COBLL1: variants seen among roughly 807,000 people sequenced by gnomAD.
COBLL1 encodes the protein cordon-bleu protein-like 1.
In COBLL1, 50 loss-of-function variants were observed where a neutral mutation model predicts 94.8. That is an observed-to-expected ratio of 0.53 (90% CI 0.42 to 0.67). The LOEUF (loss-of-function observed/expected upper bound fraction) is 0.67. Among genes scored for constraint, COBLL1 ranks in the 30% least tolerant of loss-of-function variants. The pLI is 0.00. For synonymous variants in COBLL1, 448 were observed against 473.8 expected (o/e 0.95, Z 0.71); for missense variants, 1,362 against 1,348.7 (o/e 1.01, Z -0.15).
intron 2 of COBLL1, among the ~76,000 whole-genome samples, chr2:164,825,388 A>C (rs1685373472): frequency 6.6e-6 from 1 of 152,202 alleles, no homozygotes; most frequent in Non-Finnish European, 1.5e-5. Context: ...TGCAGAGTTT[A>C]TGCATGGTTA....
chr2:164,673,644 A>G (rs548788007), intron 1 of COBLL1, among the ~76,000 whole-genome samples: 273 of 152,316 alleles, frequency 1.8e-3, no homozygotes, highest in African/African-American at 6.3e-3. Flanking sequence ...ACTGCACTGC[A>G]GCCTGGGTGA....
At chr2:164,715,544 T>TA (rs1225447142) in intron 7 of COBLL1, among the ~76,000 whole-genome samples, 4 of 152,100 alleles carry the variant, frequency 2.6e-5, no homozygotes, top group African/African-American at 9.6e-5. Context: ...TAAAATTAAG[T>TA]AAAATAGCAA....
chr2:164,780,645 G>A (rs888759254), intron 2 of COBLL1, among the ~76,000 whole-genome samples: 9 of 152,090 alleles, frequency 5.9e-5, no homozygotes, highest in South Asian at 4.1e-4. Context: ...TCACCACAGC[G>A]AATGGACAAG....
At chr2:164,679,450 T>C (rs975728097), downstream of COBLL1, among the ~76,000 whole-genome samples, 16 of 152,068 alleles carry the variant, frequency 1.1e-4, no homozygotes, top group African/African-American at 3.9e-4. Flanking sequence ...TTTTTGAAGA[T>C]TGTTCAAGTA....
chr2:164,753,813 C>T (rs1687252675), intron 2 of COBLL1, among the ~76,000 whole-genome samples: 1 of 150,820 alleles, frequency 6.6e-6, no homozygotes, highest in African/African-American at 2.5e-5. Context: ...ACGATCTCAG[C>T]TCACTGCAAC....
rs1281085518 is a variant in COBLL1 at position 164,807,580 on chromosome 2, G to A, written c.41+33576C>T. Among the ~76,000 whole-genome samples, 3 of 151,738 alleles carry A rather than the reference G, an allele frequency of 2.0e-5. No individual in the cohort carries two copies. The East Asian group carries it at 5.8e-4, about 29-fold the overall frequency. ...ATCATGAGTTGAATTTCTTATTCAT[G>A]TTCTCATTTTCCACTTTGATAATGT... On this transcript the variant is annotated intron_variant, in intron 2 of 13. Coordinates refer to ENST00000652658, the MANE Select transcript of COBLL1 (RefSeq NM_001365672.2).
At chr2:164,816,681 G>A (rs569552940) in intron 2 of COBLL1, among the ~76,000 whole-genome samples, 32 of 152,228 alleles carry the variant, frequency 2.1e-4, no homozygotes, top group African/African-American at 7.5e-4. Flanking sequence ...GTCAGTGGTT[G>A]GCTGTGTGGG....
downstream of COBLL1, among the ~76,000 whole-genome samples, chr2:164,677,007 T>C (rs1691350652): frequency 6.6e-6 from 1 of 152,180 alleles, no homozygotes; most frequent in African/African-American, 2.4e-5. Flanking sequence ...TATGTGTCCC[T>C]TGCCTAACCT....
At chr2:164,809,918 T>G (rs1169120001) in intron 2 of COBLL1, among the ~76,000 whole-genome samples, 2 of 131,062 alleles carry the variant, frequency 1.5e-5, no homozygotes, top group Non-Finnish European at 3.4e-5. Context: ...TAGTAACAAT[T>G]TTAACAAAAA....
intron 11 of COBLL1, among the ~76,000 whole-genome samples, chr2:164,699,108 A>T (rs1297459179): frequency 1.3e-5 from 2 of 151,954 alleles, no homozygotes; most frequent in Non-Finnish European, 2.9e-5. Context: ...TTAACAACAA[A>T]AGTAGTACAC....
At chr2:164,839,229 G>T (rs1445197652) in intron 2 of COBLL1, among the ~76,000 whole-genome samples, 1 of 152,156 alleles carries the variant, frequency 6.6e-6, no homozygotes, top group Non-Finnish European at 1.5e-5. Context: ...CTTTACAAAT[G>T]CTTGACAAAT....
intron 7 of COBLL1, among the ~76,000 whole-genome samples, chr2:164,712,865 A>C (rs115186692): frequency 6.6e-6 from 1 of 152,098 alleles, no homozygotes; most frequent in East Asian, 1.9e-4. Flanking sequence ...ATCCCAAATA[A>C]AAGTCGCCTC....
intron 2 of COBLL1, among the ~76,000 whole-genome samples, chr2:164,785,243 G>T (rs762859188): frequency 2.0e-5 from 3 of 152,162 alleles, no homozygotes; most frequent in African/African-American, 7.2e-5. Context: ...ACAAAAATTA[G>T]CTGGGTGTAG....
chr2:164,822,399 C>G (rs1211210084), intron 2 of COBLL1, among the ~76,000 whole-genome samples: 1 of 152,172 alleles, frequency 6.6e-6, no homozygotes, highest in East Asian at 1.9e-4. Flanking sequence ...GAGCCCCAGG[C>G]AGGGAAGGGA....
At chr2:164,707,946 C>A (rs116701782) in intron 7 of COBLL1, among the ~76,000 whole-genome samples, 1 of 152,084 alleles carries the variant, frequency 6.6e-6, no homozygotes, top group African/African-American at 2.4e-5. Context: ...GGGAAGCCTG[C>A]CCCCAAAGAA....
chr2:164,760,406 A>G (rs1455588883), intron 2 of COBLL1, among the ~76,000 whole-genome samples: 1 of 152,236 alleles, frequency 6.6e-6, no homozygotes, highest in African/African-American at 2.4e-5. Flanking sequence ...GAGACTATTA[A>G]GGGTTAACAT....
At chr2:164,795,068 G>A (rs948715227) in intron 2 of COBLL1, among the ~76,000 whole-genome samples, 2 of 152,018 alleles carry the variant, frequency 1.3e-5, no homozygotes, top group African/African-American at 2.4e-5. Context: ...TTTCATCTTC[G>A]TCTCTAGGGA....
intron 2 of COBLL1, among the ~76,000 whole-genome samples, chr2:164,744,897 G>A (rs1346576826): frequency 6.6e-6 from 1 of 152,076 alleles, no homozygotes; most frequent in Non-Finnish European, 1.5e-5. Context: ...CCAATCCAAT[G>A]ATTTGATGGA....
In COBLL1 at chr2:164,841,423, T is replaced by C. The variant is rs535285294; in HGVS notation, c.-50-177A>G. The C allele has an allele frequency of 2.5e-4, 287 of 1,154,102 alleles. 2 individuals are homozygous for C. The African/African-American group carries it at 4.4e-3, about 18-fold the overall frequency. The allele number at this position is 1,154,102 out of a possible 1,614,324, so 71.5% of individuals were successfully genotyped here. On this transcript the variant is annotated intron_variant, in intron 1 of 13. Transcript: ENST00000652658. The surrounding 1 kb of genome is among the most constrained non-coding windows in gnomAD (Gnocchi z 5.5). The stretch of plus-strand genomic sequence containing the variant: ...AGCCCGCGGGCGCCGCCGCCGTCTC[T>C]ACAAGGTCTAGCGGGCGCCCAGAGC...
Sources: gnomAD v4.1 joint callset for allele counts (sites outside exome capture counted in the v4.1 genomes callset) on GRCh38, gnomAD v4.1.1 for gene constraint, Gnocchi (gnomAD v3.1) non-coding constraint, MANE v1.5 for transcripts, NCBI Gene and HGNC (gene_info 2026-07-23, HGNC 2026-07-21) for gene names.